The following GHSR variants were observed in gnomAD, a reference collection of about 807,000 sequenced individuals.
GHSR encodes growth hormone secretagogue receptor type 1.
GHSR carries 17 observed loss-of-function variants against 24.0 expected under a neutral mutation model. The observed-to-expected ratio is 0.71, with a 90% CI of 0.49 to 1.06. GHSR has a LOEUF of 1.06. GHSR is among the 50% of genes least tolerant of loss of function. The probability of loss-of-function intolerance (pLI) is 0.00; values close to 1 mark genes in which losing one functional copy is unlikely to be tolerated. For synonymous variants in GHSR, 238 were observed against 208.1 expected, an observed-to-expected ratio of 1.14 and a Z score of -1.24; for missense variants, 504 against 483.1, an observed-to-expected ratio of 1.04 and a Z score of -0.41.
chr3:172,446,325 A>T (rs991534039), intron 1 of GHSR, among the ~76,000 whole-genome samples: 1 of 152,238 alleles, frequency 6.6e-6, no homozygotes, highest in South Asian at 2.1e-4. Context: ...ACTAAGTTGT[A>T]TAGTAGCAAC....
chr3:172,447,798 G>A lies in GHSR; in HGVS notation c.616C>T (p.Arg206Cys). ...ACCATGACCGTGAGCAGTCCAGAGCGCACCGCAAACTCGGTGGGGCGGCAC... is the reference window on the plus strand; with the variant it reads ...ACCATGACCGTGAGCAGTCCAGAGCACACCGCAAACTCGGTGGGGCGGCAC... ...NECRPTEFAV[R>C]SGLLTVMVWV... The change falls in exon 1 of 2, where the codon CGC becomes TGC. Residue 206 changes from arginine to cysteine, a missense_variant. By Grantham distance (180) the Arg-to-Cys change is radical. Transcript: ENST00000241256. The A allele has an allele frequency of 6.2e-7, 1 of 1,614,024 alleles. No individual in the cohort carries two copies. The highest frequency in any genetic ancestry group is 1.1e-5 in the South Asian group (1 of 91,078).
rs926258620 is a variant in GHSR at position 172,444,804 on chromosome 3, A to G, written c.*357T>C. Among the ~76,000 whole-genome samples the G allele has an allele frequency of 6.6e-6, 1 of 152,190 alleles. No individual in the cohort carries two copies. The highest frequency in any genetic ancestry group is 2.4e-5 in the African/African-American group (1 of 41,452). On this transcript the variant is annotated 3_prime_UTR_variant, in exon 2 of 2. Transcript: ENST00000241256. ...TGTAATGTCATTCTTTTAACCAAATAATTTTGATCATTATGAAAAAGCAAA... is the reference window on the plus strand; with the variant it reads ...TGTAATGTCATTCTTTTAACCAAATGATTTTGATCATTATGAAAAAGCAAA...
At position 172,444,689 on chromosome 3, in the gene GHSR, G is replaced by A. The variant is rs886058184; in HGVS notation, c.*472C>T. Among the ~76,000 whole-genome samples, 12 of 152,198 alleles carry A rather than the reference G, an allele frequency of 7.9e-5. No individual in the cohort carries two copies. Among genetic ancestry groups the A allele is most frequent in the Admixed American group, 2.6e-4 (4 of 15,284 alleles). ...AATAATTTTTGTACTGATTGCTCAC[G>A]TGCCTCATGTTATATTTCTCTTGGA... On this transcript the variant is annotated 3_prime_UTR_variant, in exon 2 of 2. Coordinates refer to ENST00000241256, the MANE Select transcript of GHSR (RefSeq NM_198407.2).
At position 172,444,575 on chromosome 3, in the gene GHSR, A is replaced by T. The variant is rs1265156779; in HGVS notation, c.*586T>A. Among the ~76,000 whole-genome samples, 1 of 146,828 alleles carries T rather than the reference A, an allele frequency of 6.8e-6. No individual in the cohort carries two copies. Among genetic ancestry groups the T allele is most frequent in the African/African-American group, 2.4e-5 (1 of 41,190 alleles). On this transcript the variant is annotated 3_prime_UTR_variant, in exon 2 of 2. Transcript: ENST00000241256. ...CATCAAATATTACCAATGAAAACTT[A>T]GTGTCCAAATTGAGGGTTTCTGTAA...
chr3:172,448,013 A>G lies in GHSR; in HGVS notation c.401T>C (p.Ile134Thr), dbSNP rs4988511. The stretch of plus-strand genomic sequence containing the variant: ...GTAGCGCTCGACGCTCAGCGCTGTG[A>G]TGGTGAGCACCGTGGCGTAGGTGCA... ...ESCTYATVLT[I>T]TALSVERYFA... is the part of the protein sequence containing the mutation. Residue 134 changes from isoleucine to threonine, a missense_variant, in exon 1 of 2, where the codon ATC (isoleucine) becomes ACC (threonine). Ile to Thr is a moderately conservative substitution (Grantham distance 89). Transcript: ENST00000241256. The surrounding 1 kb of genome is among the most constrained non-coding windows in gnomAD (Gnocchi z 4.8). The G allele has an allele frequency of 3.8e-5, 61 of 1,614,170 alleles. No individual in the cohort carries two copies. The East Asian group carries it at 1.2e-3, about 31-fold the overall frequency.
In GHSR at chr3:172,448,237, A is replaced by G; in HGVS notation, c.177T>C (p.Ala59=). Residue 59 remains alanine, a synonymous_variant, in exon 1 of 2, where the codon GCT becomes GCC. Coordinates refer to ENST00000241256, the MANE Select transcript of GHSR (RefSeq NM_198407.2). This position sits in a 1 kb window ranked among gnomAD's most constrained non-coding sequence, Gnocchi z 4.8. ...CCACCAGCATGGTGAGCAGGTTGCC[A>G]GCGATGCCCACCACGAAGAGTGCCA... ...TCVALFVVGI[A]GNLLTMLVVS... is the part of the protein sequence containing the mutation. 1 of 1,614,032 alleles carries G rather than the reference A, an allele frequency of 6.2e-7. No homozygotes were observed. The highest frequency in any genetic ancestry group is 8.5e-7 in the Non-Finnish European group (1 of 1,180,034).
rs182702425 is a variant in GHSR, at chr3:172,446,129, T to C, written c.797-664A>G. Among the ~76,000 whole-genome samples the C allele has an allele frequency of 3.2e-4, 48 of 152,322 alleles. 1 individual carries two copies. The East Asian group carries it at 8.1e-3, about 26-fold the overall frequency. ...TAATTTTTAATGATGTCTAAATGTT[T>C]AGATTGTTTTAAATTCAGAAATCAG... On this transcript the variant is annotated intron_variant, in intron 1 of 1. Transcript: ENST00000241256.
In GHSR at chr3:172,448,451, G is replaced by C. The variant is rs1044966868; in HGVS notation, c.-38C>G. 3.2e-6 allele frequency: 5 copies of C among 1,564,176 alleles called. No homozygotes were observed. Among genetic ancestry groups the C allele is most frequent in the Admixed American group, 1.8e-5 (1 of 54,970 alleles). ...GCTGAACAGGCTCTGGGACGTGACT[G>C]CGCTGGGAGGCTGGACCGAGCTGGC... On this transcript the variant is annotated 5_prime_UTR_variant, in exon 1 of 2. Transcript: ENST00000241256. The surrounding 1 kb of genome is among the most constrained non-coding windows in gnomAD (Gnocchi z 4.8).
At chr3:172,447,006 T>C (rs868157062) in intron 1 of GHSR, among the ~76,000 whole-genome samples, 1 of 152,130 alleles carries the variant, frequency 6.6e-6, no homozygotes, top group African/African-American at 2.4e-5. Flanking sequence ...TCTGAAAAAA[T>C]GCAGGGCAGA....
rs1360588234 is a variant in GHSR at position 172,448,072 on chromosome 3, G to A, written c.342C>T (p.Leu114=). 2.5e-6 allele frequency: 4 copies of A among 1,614,096 alleles called. No individual in the cohort carries two copies. In the African/African-American group the frequency reaches 5.3e-5, roughly 22 times the overall value. ...TGACGAATTGGAAGAGTTTGCAGAG[G>A]AGGTCGCCGAAGTTCCAGGGCCGGT... ...WQYRPWNFGD[L]LCKLFQFVSE... is the part of the protein sequence containing the mutation. The change falls in exon 1 of 2, where the codon CTC becomes CTT. Residue 114 remains leucine, a synonymous_variant. Transcript: ENST00000241256. The surrounding 1 kb of genome is among the most constrained non-coding windows in gnomAD (Gnocchi z 4.8).
chr3:172,448,247 A>C lies in GHSR; in HGVS notation c.167T>G (p.Val56Gly). 1.2e-6 allele frequency: 2 copies of C among 1,613,832 alleles called. No individual in the cohort carries two copies. Among genetic ancestry groups the C allele is most frequent in the Non-Finnish European group, 1.7e-6 (2 of 1,179,992 alleles). The change falls in exon 1 of 2, where the codon GTG becomes GGG. Residue 56 changes from valine (V) to glycine (G), a missense_variant. Transcript: ENST00000241256. This position sits in a 1 kb window ranked among gnomAD's most constrained non-coding sequence, Gnocchi z 4.8. ...VTATCVALFV[V>G]GIAGNLLTML... ...GGTGAGCAGGTTGCCAGCGATGCCC[A>C]CCACGAAGAGTGCCACGCAGGTGGC...
rs1343841523 is a variant in GHSR at position 172,445,088 on chromosome 3, C to T, written c.*73G>A. ...TAATTCCAAAATTAACCTTCAGCTTCCTCCCAAGTTCTGCTGTGCTATGTC... is the reference window on the plus strand; with the variant it reads ...TAATTCCAAAATTAACCTTCAGCTTTCTCCCAAGTTCTGCTGTGCTATGTC... On this transcript the variant is annotated 3_prime_UTR_variant, in exon 2 of 2. Transcript: ENST00000241256. The T allele has an allele frequency of 3.3e-6, 5 of 1,536,808 alleles. No individual in the cohort carries two copies. The East Asian group carries it at 9.0e-5, about 28-fold the overall frequency.
chr3:172,445,148 G>T lies in GHSR; in HGVS notation c.*13C>A, dbSNP rs376078792. On this transcript the variant is annotated 3_prime_UTR_variant, in exon 2 of 2. Transcript: ENST00000241256. Reference sequence around the variant, plus strand: ...AGAGTAATAAGCGGTGACTGTACTCGCAATGTGCTAGGTCATGTATTAATA... The same window carrying T: ...AGAGTAATAAGCGGTGACTGTACTCTCAATGTGCTAGGTCATGTATTAATA... The T allele has an allele frequency of 6.2e-7, 1 of 1,613,554 alleles. No individual in the cohort carries two copies. Among genetic ancestry groups the T allele is most frequent in the Non-Finnish European group, 8.5e-7 (1 of 1,179,592 alleles).
At position 172,444,430 on chromosome 3, in the gene GHSR, A is replaced by G. The variant is rs971430282; in HGVS notation, c.*731T>C. 4.6e-5 allele frequency among the ~76,000 whole-genome samples: 7 copies of G among 152,182 alleles called. No individual in the cohort carries two copies. The highest frequency in any genetic ancestry group is 1.4e-4 in the African/African-American group (6 of 41,444). ...ACTGAAGAACTGAATTTTTAACTTT[A>G]ATTAATTTTAAGTTTAAAGGTTTAC... On this transcript the variant is annotated 3_prime_UTR_variant, in exon 2 of 2. Transcript: ENST00000241256.
At position 172,447,907 on chromosome 3, in the gene GHSR, G is replaced by C; in HGVS notation, c.507C>G (p.Ala169=). ...TGGGCCCGGCGCTGCAGAAGGCCAC[G>C]GCCCAGATGACGAAGATGACCAGCT... ...RVKLVIFVIW[A]VAFCSAGPIF... is the part of the protein sequence containing the mutation. Residue 169 remains alanine (A), a synonymous_variant, in exon 1 of 2, where the codon GCC becomes GCG. Coordinates refer to ENST00000241256, the MANE Select transcript of GHSR (RefSeq NM_198407.2). The C allele has an allele frequency of 3.1e-6, 5 of 1,612,386 alleles. No homozygotes were observed. The highest frequency in any genetic ancestry group is 4.2e-6 in the Non-Finnish European group (5 of 1,178,550).
chr3:172,448,132 G>A lies in GHSR; in HGVS notation c.282C>T (p.Leu94=). 1.2e-6 allele frequency: 2 copies of A among 1,614,238 alleles called. No homozygotes were observed. Among genetic ancestry groups the A allele is most frequent in the Non-Finnish European group, 1.7e-6 (2 of 1,180,040 alleles). ...GGCGAACGAGGTCCAGGGGCATGCA[G>A]AGGAAGATGAGCAGATCGGAGAAGG... ...SMAFSDLLIF[L]CMPLDLVRLW... is the part of the protein sequence containing the mutation. Residue 94 remains leucine, a synonymous_variant, in exon 1 of 2, where the codon CTC becomes CTT. Transcript: ENST00000241256. This position sits in a 1 kb window ranked among gnomAD's most constrained non-coding sequence, Gnocchi z 4.8.
At chr3:172,447,129 T>C (rs1355806834) in intron 1 of GHSR, among the ~76,000 whole-genome samples, 1 of 152,380 alleles carries the variant, frequency 6.6e-6, no homozygotes, top group Non-Finnish European at 1.5e-5. Context: ...AAACCCTGCT[T>C]TTCTTAATGT....
In GHSR at chr3:172,445,300, A is replaced by G; in HGVS notation, c.962T>C (p.Ile321Thr). 1 of 1,614,182 alleles carries G rather than the reference A, an allele frequency of 6.2e-7. No homozygotes were observed. Among genetic ancestry groups the G allele is most frequent in the Non-Finnish European group, 8.5e-7 (1 of 1,180,018 alleles). ...CTTCTTGGACATGATGTTGTACAGA[A>G]TGGGGTTGATGGCAGCACTGAGGTA... Reference protein sequence around the residue: ...LFYLSAAINPILYNIMSKKYR... With the variant: ...LFYLSAAINPTLYNIMSKKYR... The change falls in exon 2 of 2, where the codon ATT becomes ACT. Residue 321 changes from isoleucine to threonine, a missense_variant. Ile to Thr is a moderately conservative substitution (Grantham distance 89, BLOSUM62 -1). Coordinates refer to ENST00000241256, the MANE Select transcript of GHSR (RefSeq NM_198407.2).
At chr3:172,446,805 G>C (rs1375760062) in intron 1 of GHSR, among the ~76,000 whole-genome samples, 1 of 152,204 alleles carries the variant, frequency 6.6e-6, no homozygotes, top group Non-Finnish European at 1.5e-5. Context: ...AGTGAATTCT[G>C]TTGGTTTCCA....
Sources: gnomAD v4.1 joint callset for allele counts (sites outside exome capture counted in the v4.1 genomes callset) on GRCh38, gnomAD v4.1.1 for gene constraint, Gnocchi (gnomAD v3.1) non-coding constraint, MANE v1.5 for transcripts, NCBI Gene and HGNC (gene_info 2026-07-23, HGNC 2026-07-21) for gene names.